The following PTBP3 variants were observed in gnomAD, a reference collection of about 807,000 sequenced individuals.
PTBP3 encodes the protein polypyrimidine tract binding protein 3.
PTBP3 carries 20 observed loss-of-function variants against 58.7 expected under a neutral mutation model. The ratio of observed to expected loss-of-function variants is 0.34; its 90% CI spans 0.24 to 0.50. The LOEUF (loss-of-function observed/expected upper bound fraction) is 0.50, where lower values mean the gene tolerates loss of function less well. Among genes scored for constraint, PTBP3 ranks in the 20% least tolerant of loss-of-function variants. PTBP3 has a pLI of 0.98. For synonymous variants in PTBP3, 185 were observed against 219.8 expected (o/e 0.84, Z 1.40); for missense variants, 509 against 637.2 (o/e 0.80, Z 2.17).
At position 112,224,146 on chromosome 9, in the gene PTBP3, A is replaced by G. The variant is rs1834896565; in HGVS notation, c.1429T>C (p.Phe477Leu). 6.3e-7 allele frequency: 1 copy of G among 1,582,226 alleles called. No individual in the cohort carries two copies. The highest frequency in any genetic ancestry group is 1.9e-5 in the Admixed American group (1 of 52,000). ...GCAAAGACTTACTGAAAGAATTTAAAAGCCTTCACTGAACATCCAGCTTCT... is the reference window on the plus strand; with the variant it reads ...GCAAAGACTTACTGAAAGAATTTAAGAGCCTTCACTGAACATCCAGCTTCT... ...FIEAGCSVKA[F>L]KFFQKDRKMA... The change falls in exon 13 of 14, where the codon TTT becomes CTT. Residue 477 changes from phenylalanine to leucine, a missense_variant. Coordinates refer to ENST00000374257, the MANE Select transcript of PTBP3 (RefSeq NM_001163788.4).
intron 1 of PTBP3, among the ~76,000 whole-genome samples, chr9:112,301,386 A>T (rs1272175338): frequency 2.0e-5 from 3 of 152,110 alleles, no homozygotes; most frequent in African/African-American, 7.2e-5. Flanking sequence ...TAGATCTCTC[A>T]TACATTGCTG....
intron 1 of PTBP3, among the ~76,000 whole-genome samples, chr9:112,302,000 ACCTGTGTTCAAC>A (rs1481561778): frequency 6.6e-6 from 1 of 152,142 alleles, no homozygotes; most frequent in African/African-American, 2.4e-5. Context: ...CATCACTAAC[ACCTGTGTTCAAC>A]CCTGCCACAG....
At chr9:112,246,184 T>C (rs541755227) in intron 7 of PTBP3, among the ~76,000 whole-genome samples, 6 of 151,748 alleles carry the variant, frequency 4.0e-5, no homozygotes, top group Non-Finnish European at 8.8e-5. Flanking sequence ...GGTTTCACCA[T>C]GTTGGCCAGG....
At chr9:112,241,711 G>A (rs1012545361) in intron 7 of PTBP3, among the ~76,000 whole-genome samples, 85 of 152,156 alleles carry the variant, frequency 5.6e-4, no homozygotes, top group Non-Finnish European at 2.8e-4. Flanking sequence ...AGCAATACAT[G>A]ACTGTATATT....
the PTBP3 span, among the ~76,000 whole-genome samples, chr9:112,367,897 C>T: frequency 2.0e-5 from 3 of 152,160 alleles, no homozygotes; most frequent in Non-Finnish European, 4.4e-5. Context: ...CCTTCTCTTT[C>T]ACTGTTCCTT....
intron 1 of PTBP3, among the ~76,000 whole-genome samples, chr9:112,329,265 T>C (rs1365137876): frequency 6.6e-6 from 1 of 151,796 alleles, no homozygotes; most frequent in East Asian, 1.9e-4. Flanking sequence ...ACAAAAAAAT[T>C]AGCCAGGCAT....
intron 1 of PTBP3, among the ~76,000 whole-genome samples, chr9:112,314,227 C>A (rs1020774568): frequency 6.6e-6 from 1 of 152,138 alleles, no homozygotes; most frequent in African/African-American, 2.4e-5. Flanking sequence ...AAATACCAAT[C>A]ATAAGAAAGC....
intron 1 of PTBP3, among the ~76,000 whole-genome samples, chr9:112,314,648 C>A (rs1199814197): frequency 6.6e-6 from 1 of 152,082 alleles, no homozygotes; most frequent in Non-Finnish European, 1.5e-5. Flanking sequence ...GAGAGCGAGA[C>A]CCTGTCTCAA....
the PTBP3 span, among the ~76,000 whole-genome samples, chr9:112,369,836 C>CA: frequency 1.3e-5 from 2 of 152,068 alleles, no homozygotes; most frequent in Non-Finnish European, 2.9e-5. Context: ...CCATAATACC[C>CA]ACGTGTTATG....
intron 8 of PTBP3, among the ~76,000 whole-genome samples, chr9:112,233,667 C>A (rs1835336078): frequency 6.6e-6 from 1 of 152,068 alleles, no homozygotes; most frequent in Non-Finnish European, 1.5e-5. Flanking sequence ...TGCAGTGGCT[C>A]ACCCTTTAAT....
the PTBP3 span, among the ~76,000 whole-genome samples, chr9:112,361,272 T>G: frequency 6.6e-6 from 1 of 152,176 alleles, no homozygotes; most frequent in Non-Finnish European, 1.5e-5. Flanking sequence ...AATTTTTTTG[T>G]ATTTTTAGTA....
chr9:112,220,351 G>A lies in PTBP3; in HGVS notation c.*3500C>T, dbSNP rs781535545. On this transcript the variant is annotated 3_prime_UTR_variant, in exon 14 of 14. Coordinates refer to ENST00000374257, the MANE Select transcript of PTBP3 (RefSeq NM_001163788.4). The stretch of plus-strand genomic sequence containing the variant: ...GGAGGTGGAAGCAGGAGAATCACTT[G>A]AGCCCAGGAGTTGGCGAGACCCCTA... 8 of 1,275,824 alleles carry A rather than the reference G, an allele frequency of 6.3e-6. No homozygotes were observed. The highest frequency in any genetic ancestry group is 1.5e-5 in the African/African-American group (1 of 64,926). The allele number at this position is 1,275,824 out of a possible 1,614,324, so 79.0% of individuals were successfully genotyped here.
intron 3 of PTBP3, among the ~76,000 whole-genome samples, chr9:112,271,919 T>C (rs1268082046): frequency 3.3e-5 from 5 of 152,132 alleles, no homozygotes; most frequent in East Asian, 1.9e-4. Flanking sequence ...ACTGTACTAA[T>C]AGTAGATACC....
At chr9:112,248,704 C>T (rs771268093) in intron 7 of PTBP3, among the ~76,000 whole-genome samples, 5 of 152,108 alleles carry the variant, frequency 3.3e-5, no homozygotes, top group East Asian at 3.9e-4. Context: ...TAAACTGGTG[C>T]AATCACTTTG....
At chr9:112,335,594 TTTTTC>T (rs1830567510), upstream of PTBP3, among the ~76,000 whole-genome samples, 1 of 56,780 alleles carries the variant, frequency 1.8e-5, no homozygotes, top group Non-Finnish European at 2.9e-5. Context: ...ACCTTTACCA[TTTTTC>T]TTTTTTTTTT....
At position 112,222,552 on chromosome 9, in the gene PTBP3, C is replaced by A. The variant is rs1171431779; in HGVS notation, c.*1299G>T. ...CCCTATCAGTCACAATGTAAAGAGG[C>A]CTACAGGTGTGCACTGAATTATTCC... On this transcript the variant is annotated 3_prime_UTR_variant, in exon 14 of 14. Coordinates refer to ENST00000374257, the MANE Select transcript of PTBP3 (RefSeq NM_001163788.4). 1.0e-6 allele frequency: 1 copy of A among 985,478 alleles called. No individual in the cohort carries two copies. The highest frequency in any genetic ancestry group is 6.2e-5 in the Admixed American group (1 of 16,232). The allele number at this position is 985,478 out of a possible 1,614,324, so 61.0% of individuals were successfully genotyped here.
At chr9:112,270,240 G>A (rs762236755) in intron 3 of PTBP3, among the ~76,000 whole-genome samples, 4 of 151,988 alleles carry the variant, frequency 2.6e-5, no homozygotes, top group East Asian at 1.9e-4. Context: ...ATCCTTCTCC[G>A]TACTCAATGT....
chr9:112,356,641 A>T, the PTBP3 span, among the ~76,000 whole-genome samples: 1 of 151,456 alleles, frequency 6.6e-6, no homozygotes, highest in African/African-American at 2.4e-5. Context: ...GCTTGTGCTC[A>T]TATAAGGGAG....
At position 112,277,946 on chromosome 9, in the gene PTBP3, T is replaced by TATAACATAAC. The variant is rs146999681; in HGVS notation, c.35-1943_35-1934dup. On this transcript the variant is annotated intron_variant, in intron 2 of 13. Coordinates refer to ENST00000374257, the MANE Select transcript of PTBP3 (RefSeq NM_001163788.4). ...CATAACATAACATAACATAACATAA[T>TATAACATAAC]ATAACATAACATAACATAACATAAC... 2.9e-3 allele frequency among the ~76,000 whole-genome samples: 168 copies of TATAACATAAC among 58,180 alleles called. 7 individuals are homozygous for TATAACATAAC. The highest frequency in any genetic ancestry group is 0.022 in the East Asian group (50 of 2,290). The allele number at this position is 58,180 out of a possible 152,430, so 38.2% of individuals were successfully genotyped here.
Sources: allele counts gnomAD v4.1 joint callset (sites outside exome capture counted in the v4.1 genomes callset), GRCh38; gene constraint gnomAD v4.1.1; transcripts MANE v1.5; gene names NCBI Gene and HGNC (gene_info 2026-07-23, HGNC 2026-07-21).